The following ELOVL7 variants were observed in gnomAD, a reference collection of about 807,000 sequenced individuals.
ELOVL7 encodes very long chain fatty acid elongase 7.
Under a neutral mutation model 35.7 loss-of-function variants are expected in ELOVL7, and 27 were observed. The observed-to-expected ratio is 0.76, with a 90% CI of 0.56 to 1.04. The LOEUF (loss-of-function observed/expected upper bound fraction) is 1.04, where lower values mean the gene tolerates loss of function less well. ELOVL7 is among the 50% of genes least tolerant of loss of function. ELOVL7 has a pLI of 0.00. For missense variants in ELOVL7, 327 were observed against 340.8 expected (o/e 0.96, Z 0.32); for synonymous variants, 113 against 114.6 (o/e 0.99, Z 0.09).
At chr5:60,786,980 C>T (rs1269268683) in intron 3 of ELOVL7, among the ~76,000 whole-genome samples, 1 of 151,616 alleles carries the variant, frequency 6.6e-6, no homozygotes, top group Non-Finnish European at 1.5e-5. Context: ...AAAGAGTTGG[C>T]ATTAACTGTA....
chr5:60,767,895 C>T lies in ELOVL7; in HGVS notation c.264G>A (p.Met88Ile). The change falls in exon 5 of 9, where the codon ATG becomes ATA. Residue 88 changes from methionine (M) to isoleucine (I), a missense_variant. Coordinates refer to ENST00000508821, the MANE Select transcript of ELOVL7 (RefSeq NM_024930.3). ...ATGAATAACCTATACCCCAGCCAGA[C>T]ATCACAAACTGCAAGAGAGCACATG... Reference protein sequence around the residue: ...FSVYMCYEFVMSGWGIGYSFR... With the variant: ...FSVYMCYEFVISGWGIGYSFR... The T allele has an allele frequency of 2.5e-6, 4 of 1,613,592 alleles. No homozygotes were observed. Among genetic ancestry groups the T allele is most frequent in the Non-Finnish European group, 3.4e-6 (4 of 1,179,590 alleles).
rs1277724183 is a variant in ELOVL7 at position 60,757,579 on chromosome 5, C to G, written c.566G>C (p.Gly189Ala). 6.2e-7 allele frequency: 1 copy of G among 1,613,214 alleles called. No individual in the cohort carries two copies. Among genetic ancestry groups the G allele is most frequent in the South Asian group, 1.1e-5 (1 of 90,972 alleles). Reference sequence around the variant, plus strand: ...GTAGGCTGGCCCCAATGCAGAAAGTCCATAGTAGGAATACATGACTACATG... The same window carrying G: ...GTAGGCTGGCCCCAATGCAGAAAGTGCATAGTAGGAATACATGACTACATG... ...AVHVVMYSYY[G>A]LSALGPAYQK... Residue 189 changes from glycine (G) to alanine (A), a missense_variant, in exon 8 of 9, where the codon GGA becomes GCA. Coordinates refer to ENST00000508821, the MANE Select transcript of ELOVL7 (RefSeq NM_024930.3).
intron 3 of ELOVL7, among the ~76,000 whole-genome samples, chr5:60,772,381 T>A (rs1561431045): frequency 6.6e-6 from 1 of 152,100 alleles, no homozygotes; most frequent in Non-Finnish European, 1.5e-5. Flanking sequence ...TCTTTCCCCA[T>A]GTAAGGATAC....
chr5:60,776,408 A>G (rs989626696), intron 3 of ELOVL7, among the ~76,000 whole-genome samples: 14 of 152,220 alleles, frequency 9.2e-5, no homozygotes, highest in African/African-American at 2.9e-4. Context: ...TGCCAAAAAT[A>G]TACATACACT....
In ELOVL7 at chr5:60,831,945, G is replaced by A. The variant is rs151212824; in HGVS notation, c.-86+12215C>T. On this transcript the variant is annotated intron_variant, in intron 1 of 8. Coordinates refer to ENST00000508821, the MANE Select transcript of ELOVL7 (RefSeq NM_024930.3). ...AATATATTTATTGTAAGCATTTCAA[G>A]TCTTTCTGGGAAAAAAGTAGAATGT... Among the ~76,000 whole-genome samples, 8 of 152,166 alleles carry A rather than the reference G, an allele frequency of 5.3e-5. No individual in the cohort carries two copies. The East Asian group carries it at 1.4e-3, about 26-fold the overall frequency.
rs1742258000 is a variant in ELOVL7 at position 60,766,684 on chromosome 5, T to C, written c.337-54A>G. 5 of 1,533,690 alleles carry C rather than the reference T, an allele frequency of 3.3e-6. No individual in the cohort carries two copies. In the South Asian group the frequency reaches 4.7e-5, roughly 14 times the overall value. On this transcript the variant is annotated intron_variant, in intron 5 of 8. Transcript: ENST00000508821. ...ATTTTGTATATGGAAGAAAAGCTTA[T>C]ATTTTTAAATTTTGGTAAAATATGC...
intron 1 of ELOVL7, among the ~76,000 whole-genome samples, chr5:60,824,192 A>C (rs1451094141): frequency 6.6e-6 from 1 of 152,232 alleles, no homozygotes; most frequent in Non-Finnish European, 1.5e-5. Context: ...TTCAGACACC[A>C]AGGCAAAATT....
intron 1 of ELOVL7, among the ~76,000 whole-genome samples, chr5:60,802,188 T>A (rs1430313393): frequency 6.7e-6 from 1 of 149,246 alleles, no homozygotes; most frequent in Non-Finnish European, 1.5e-5. Context: ...GACTTGTGAG[T>A]TTGTCAAGTG....
chr5:60,822,402 A>G (rs1199684004), intron 1 of ELOVL7, among the ~76,000 whole-genome samples: 2 of 152,238 alleles, frequency 1.3e-5, no homozygotes, highest in African/African-American at 2.4e-5. Flanking sequence ...AGCTTTAGCT[A>G]TAGGCAAATC....
chr5:60,757,460 G>A, intron 8 of ELOVL7, 49 bp downstream of exon 8: 1 of 1,580,562 alleles, frequency 6.3e-7, no homozygotes, highest in South Asian at 1.1e-5. Context: ...GTGAAAACAA[G>A]TGACTCTAGC....
rs769366080 is a variant in ELOVL7 at position 60,772,098 on chromosome 5, G to A, written c.65-5C>T. ...GCCAATCTTCAACTCTTGGATCTAA[G>A]AGAAAAACAATATGTGAGTACACAC... is the stretch of plus-strand genomic sequence containing the variant. On this transcript the variant is annotated splice_region_variant and splice_polypyrimidine_tract_variant and intron_variant, in intron 3 of 8. Transcript: ENST00000508821. The A allele has an allele frequency of 4.4e-6, 7 of 1,597,064 alleles. No homozygotes were observed. Among genetic ancestry groups the A allele is most frequent in the Middle Eastern group, 1.7e-4 (1 of 5,956 alleles).
intron 1 of ELOVL7, among the ~76,000 whole-genome samples, chr5:60,804,674 T>G (rs1744829884): frequency 6.6e-6 from 1 of 152,182 alleles, no homozygotes; most frequent in Admixed American, 6.5e-5. Context: ...TAGTCTCGAA[T>G]AGAACAAGTG....
intron 4 of ELOVL7, 87 bp from the exon 5 acceptor site, chr5:60,767,990 C>T: frequency 2.0e-6 from 2 of 1,008,558 alleles, no homozygotes; most frequent in Non-Finnish European, 1.6e-6. Flanking sequence ...CTCTTCATTA[C>T]ATTTTCAGCT....
At chr5:60,755,288 G>C (rs1741470414) in intron 8 of ELOVL7, among the ~76,000 whole-genome samples, 3 of 152,030 alleles carry the variant, frequency 2.0e-5, no homozygotes, top group Non-Finnish European at 4.4e-5. Flanking sequence ...ATTTTACTTA[G>C]AGCCCCTGGA....
chr5:60,824,991 T>C (rs1039006818), intron 1 of ELOVL7, among the ~76,000 whole-genome samples: 5 of 151,684 alleles, frequency 3.3e-5, no homozygotes, highest in Admixed American at 1.3e-4. Flanking sequence ...AGTCTCACTC[T>C]GTCACCCAGG....
intron 2 of ELOVL7, among the ~76,000 whole-genome samples, chr5:60,792,843 G>A (rs1744019748): frequency 6.6e-6 from 1 of 152,200 alleles, no homozygotes; most frequent in African/African-American, 2.4e-5. Flanking sequence ...CAAGGCTCTT[G>A]TATGAATGAA....
At chr5:60,788,328 T>C (rs567171209) in intron 2 of ELOVL7, among the ~76,000 whole-genome samples, 97 of 152,236 alleles carry the variant, frequency 6.4e-4, no homozygotes, top group African/African-American at 2.2e-3. Context: ...TGGGAACATG[T>C]AAAAGTTCTA....
intron 2 of ELOVL7, among the ~76,000 whole-genome samples, chr5:60,792,518 C>T (rs1313747862): frequency 6.6e-6 from 1 of 152,098 alleles, no homozygotes; most frequent in Non-Finnish European, 1.5e-5. Flanking sequence ...ATATCTTTGC[C>T]TTCTTTTACC....
chr5:60,767,946 C>T (rs753859584), intron 4 of ELOVL7, 43 bp from the exon 5 acceptor site: 2 of 1,492,088 alleles, frequency 1.3e-6, no homozygotes, highest in East Asian at 2.3e-5. Context: ...AAGCATTTTC[C>T]CAACAGCCAC....
Sources: allele counts gnomAD v4.1 joint callset (sites outside exome capture counted in the v4.1 genomes callset), GRCh38; gene constraint gnomAD v4.1.1; transcripts MANE v1.5; gene names NCBI Gene and HGNC (gene_info 2026-07-23, HGNC 2026-07-21).